TAOK1: variants seen among roughly 807,000 people sequenced by gnomAD.
TAOK1 encodes serine/threonine-protein kinase TAO1.
TAOK1 carries 21 observed loss-of-function variants against 138.3 expected under a neutral mutation model. That is an observed-to-expected ratio of 0.15 (90% CI 0.11 to 0.22). The LOEUF (loss-of-function observed/expected upper bound fraction) is 0.22. Ranked by LOEUF, TAOK1 falls within the 10% of genes least tolerant of loss-of-function variation. The pLI, the probability that TAOK1 is intolerant of heterozygous loss-of-function variation, is 1.00. For synonymous variants in TAOK1, 361 were observed against 398.4 expected, an observed-to-expected ratio of 0.91 and a Z score of 1.12; for missense variants, 651 against 1,227.7, an observed-to-expected ratio of 0.53 and a Z score of 7.02.
intron 1 of TAOK1, chr17:29,403,716 T>C (rs1343924929): frequency 6.6e-6 from 1 of 152,194 alleles, no homozygotes; most frequent in Non-Finnish European, 1.5e-5. Context: ...TTTTTTGTGT[T>C]TCTTTTCAGA....
chr17:29,471,676 T>C (rs2030822524), intron 3 of TAOK1, among the ~76,000 whole-genome samples: 1 of 152,176 alleles, frequency 6.6e-6, no homozygotes, highest in African/African-American at 2.4e-5. Flanking sequence ...TGTTGATGGC[T>C]TCTGACTGAT....
intron 19 of TAOK1, among the ~76,000 whole-genome samples, chr17:29,537,730 G>A (rs1021491390): frequency 1.3e-5 from 2 of 151,838 alleles, no homozygotes; most frequent in Non-Finnish European, 2.9e-5. Context: ...AGGAAAAAAG[G>A]AAAAGAAATC....
chr17:29,521,286 C>G (rs796879590), intron 16 of TAOK1, among the ~76,000 whole-genome samples: 1 of 152,128 alleles, frequency 6.6e-6, no homozygotes, highest in Non-Finnish European at 1.5e-5. Flanking sequence ...TATGTGTTTA[C>G]TTGTTTCCAA....
intron 1 of TAOK1, among the ~76,000 whole-genome samples, chr17:29,399,553 G>T (rs958834224): frequency 6.6e-6 from 1 of 152,004 alleles, no homozygotes; most frequent in African/African-American, 2.4e-5. Context: ...CTGACCTCGT[G>T]ATCTGCCCGC....
chr17:29,411,943 TTTAAGA>T (rs1285555199), intron 1 of TAOK1, among the ~76,000 whole-genome samples: 2 of 152,308 alleles, frequency 1.3e-5, no homozygotes, highest in East Asian at 3.9e-4. Context: ...TTTATTGTTT[TTTAAGA>T]TTATCTTTGA....
chr17:29,416,457 A>T (rs1905267235), intron 1 of TAOK1, among the ~76,000 whole-genome samples: 3 of 152,056 alleles, frequency 2.0e-5, no homozygotes, highest in African/African-American at 4.8e-5. Context: ...GACTTCTCAA[A>T]GAGAAGTCTT....
chr17:29,550,617 CG>C lies in TAOK1; in HGVS notation c.*7596del, dbSNP rs896338032. 8.5e-5 allele frequency: 13 copies of C among 152,190 alleles called. No individual in the cohort carries two copies. The highest frequency in any genetic ancestry group is 1.8e-4 in the Non-Finnish European group (12 of 68,030). The allele number at this position is 152,190 out of a possible 1,614,324, so 9.4% of individuals were successfully genotyped here. A position where few individuals can be genotyped will look rare whatever the true frequency, so the allele number is the denominator to read the frequency against. ...TTAAAAACAAACTTGAGATTTTTAA[CG>C]TAACTATTAACACAGTTTTAACATA... is the stretch of plus-strand genomic sequence containing the variant. On this transcript the variant is annotated 3_prime_UTR_variant, in exon 20 of 20. Coordinates refer to ENST00000261716, the MANE Select transcript of TAOK1 (RefSeq NM_020791.4).
chr17:29,485,021 AT>A (rs1307268721), intron 8 of TAOK1, among the ~76,000 whole-genome samples: 1 of 152,214 alleles, frequency 6.6e-6, no homozygotes, highest in African/African-American at 2.4e-5. Flanking sequence ...AATAGAAAAA[AT>A]TTACATCAAT....
chr17:29,456,116 G>C lies in TAOK1; in HGVS notation c.132+4436G>C, dbSNP rs1055668284. ...TAATCCCAGCACTTTGGGAGGCCAA[G>C]GCAGGCAGATCACCTGAGGTCAGGG... On this transcript the variant is annotated intron_variant, in intron 2 of 19. Transcript: ENST00000261716. Among the ~76,000 whole-genome samples, 10 of 150,422 alleles carry C rather than the reference G, an allele frequency of 6.6e-5. 1 individual carries two copies. The highest frequency in any genetic ancestry group is 6.6e-4 in the Admixed American group (10 of 15,238).
chr17:29,446,154 T>C (rs2030072122), intron 1 of TAOK1, among the ~76,000 whole-genome samples: 1 of 152,244 alleles, frequency 6.6e-6, no homozygotes, highest in Admixed American at 6.5e-5. Context: ...CTGCTTGTTT[T>C]CCTTTGTTAG....
intron 13 of TAOK1, among the ~76,000 whole-genome samples, chr17:29,504,741 T>C (rs2031601206): frequency 6.6e-6 from 1 of 152,150 alleles, no homozygotes; most frequent in South Asian, 2.1e-4. Context: ...ATCTGACTTC[T>C]CAACTATGTA....
rs547178969 is a variant in TAOK1 at position 29,536,700 on chromosome 17, CTTT to C, written c.2544+2415_2544+2417del. The stretch of plus-strand genomic sequence containing the variant: ...ATTTCCTAAATCCATGTCATTCAAA[CTTT>C]TTTTTTTTTTTTTTGAGACGGAGTC... On this transcript the variant is annotated intron_variant, in intron 19 of 19. Coordinates refer to ENST00000261716, the MANE Select transcript of TAOK1 (RefSeq NM_020791.4). Among the ~76,000 whole-genome samples the C allele has an allele frequency of 1.3e-3, 170 of 128,546 alleles. No homozygotes were observed. In the South Asian group the frequency reaches 0.015, roughly 11 times the overall value. 84.3% of individuals were successfully genotyped at this position (128,546 alleles called of 152,430 possible). A position where few individuals can be genotyped will look rare whatever the true frequency, so the allele number is the denominator to read the frequency against.
intron 19 of TAOK1, among the ~76,000 whole-genome samples, chr17:29,541,214 A>G (rs528741997): frequency 6.6e-6 from 1 of 151,654 alleles, no homozygotes; most frequent in Middle Eastern, 3.5e-3. Flanking sequence ...GGTTCAAGTG[A>G]TTCTCCTGCC....
intron 1 of TAOK1, among the ~76,000 whole-genome samples, chr17:29,399,387 C>G (rs1049398802): frequency 2.6e-5 from 4 of 151,954 alleles, no homozygotes; most frequent in African/African-American, 9.7e-5. Flanking sequence ...ACAATCTCGG[C>G]TCGCTGCAAC....
chr17:29,411,795 C>A (rs567944212), intron 1 of TAOK1, among the ~76,000 whole-genome samples: 1 of 151,922 alleles, frequency 6.6e-6, no homozygotes, highest in South Asian at 2.1e-4. Flanking sequence ...TTTTTTTTAA[C>A]CAATGTATCT....
intron 1 of TAOK1, among the ~76,000 whole-genome samples, chr17:29,420,356 C>G (rs1905392129): frequency 6.6e-6 from 1 of 151,954 alleles, no homozygotes; most frequent in Non-Finnish European, 1.5e-5. Context: ...TTGATATTGA[C>G]TTTGTATTCT....
rs2150772032 is a variant in TAOK1, at chr17:29,530,395, T to C, written c.2149-12T>C. 2 of 1,611,020 alleles carry C rather than the reference T, an allele frequency of 1.2e-6. No homozygotes were observed. Among genetic ancestry groups the C allele is most frequent in the East Asian group, 2.2e-5 (1 of 44,864 alleles). On this transcript the variant is annotated splice_polypyrimidine_tract_variant and intron_variant, in intron 17 of 19. Coordinates refer to ENST00000261716, the MANE Select transcript of TAOK1 (RefSeq NM_020791.4). ...TTACAACTTACATAAATGTATTTTT[T>C]TTTCTTCCCAGTCTAAAGAACTCCA...
chr17:29,541,841 A>G (rs891312606), intron 19 of TAOK1, among the ~76,000 whole-genome samples: 6 of 152,100 alleles, frequency 3.9e-5, no homozygotes, highest in African/African-American at 1.4e-4. Flanking sequence ...CTGATTCCTA[A>G]GGGACATCTC....
chr17:29,501,708 A>G (rs1463133559), intron 12 of TAOK1, among the ~76,000 whole-genome samples: 1 of 151,712 alleles, frequency 6.6e-6, no homozygotes, highest in Non-Finnish European at 1.5e-5. Context: ...GTTATGTTAA[A>G]GCTTTTCAAT....
Sources: gnomAD v4.1 joint callset for allele counts (sites outside exome capture counted in the v4.1 genomes callset) on GRCh38, gnomAD v4.1.1 for gene constraint, MANE v1.5 for transcripts, NCBI Gene and HGNC (gene_info 2026-07-23, HGNC 2026-07-21) for gene names.